The following ANKRD44 variants were observed in gnomAD, a reference collection of about 807,000 sequenced individuals.
ANKRD44 encodes serine/threonine-protein phosphatase 6 regulatory ankyrin repeat subunit B.
In ANKRD44, 35 loss-of-function variants were observed where a neutral mutation model predicts 116.0. That is an observed-to-expected ratio of 0.30 (90% confidence interval 0.23 to 0.40). ANKRD44 has a LOEUF of 0.40. Among genes scored for constraint, ANKRD44 ranks in the 10% least tolerant of loss-of-function variants. ANKRD44 has a pLI of 1.00. For missense variants in ANKRD44, 1,014 were observed against 1,242.6 expected, an observed-to-expected ratio of 0.82 and a Z score of 2.77; for synonymous variants, 435 against 461.8, an observed-to-expected ratio of 0.94 and a Z score of 0.74.
At chr2:197,134,747 G>A (rs964848645) in intron 4 of ANKRD44, 10 of 152,020 alleles carry the variant, frequency 6.6e-5, no homozygotes, top group African/African-American at 2.4e-4. Flanking sequence ...GCATATGGGA[G>A]GTACATATTG....
intron 16 of ANKRD44, among the ~76,000 whole-genome samples, chr2:197,050,454 A>T (rs1440213514): frequency 2.0e-5 from 3 of 150,988 alleles, no homozygotes; most frequent in Non-Finnish European, 4.4e-5. Context: ...GCAGAGTCTC[A>T]TTCTGCCACC....
At chr2:197,052,098 T>C (rs1387494436) in intron 16 of ANKRD44, among the ~76,000 whole-genome samples, 1 of 152,120 alleles carries the variant, frequency 6.6e-6, no homozygotes, top group East Asian at 1.9e-4. Flanking sequence ...CCCCAATATA[T>C]TCTCATAAAG....
chr2:197,151,760 GA>G (rs1339882018), intron 2 of ANKRD44, among the ~76,000 whole-genome samples: 42 of 152,288 alleles, frequency 2.8e-4, no homozygotes, highest in African/African-American at 9.6e-4. Flanking sequence ...GCAGTCCACT[GA>G]TCAGTTTCTA....
At chr2:197,038,271 T>C (rs2076843395) in intron 16 of ANKRD44, among the ~76,000 whole-genome samples, 1 of 152,076 alleles carries the variant, frequency 6.6e-6, no homozygotes, top group South Asian at 2.1e-4. Flanking sequence ...AAGGAGTATA[T>C]GGGAAATTTC....
chr2:197,049,572 C>G (rs1559020923), intron 16 of ANKRD44, among the ~76,000 whole-genome samples: 1 of 152,154 alleles, frequency 6.6e-6, no homozygotes, highest in African/African-American at 2.4e-5. Flanking sequence ...ATTTTCACAG[C>G]AAATATGCCT....
intron 16 of ANKRD44, among the ~76,000 whole-genome samples, chr2:197,058,322 G>T (rs1035171634): frequency 2.6e-5 from 4 of 151,692 alleles, no homozygotes; most frequent in Non-Finnish European, 5.9e-5. Flanking sequence ...AATCAATATT[G>T]CTTGAAGTTA....
intron 1 of ANKRD44, among the ~76,000 whole-genome samples, chr2:197,228,760 G>A (rs1320720871): frequency 6.6e-6 from 1 of 152,246 alleles, no homozygotes; most frequent in Non-Finnish European, 1.5e-5. Flanking sequence ...TTACAGCCTG[G>A]CGCGGAGGCT....
chr2:197,101,927 A>G (rs1322420701), intron 9 of ANKRD44, among the ~76,000 whole-genome samples: 6 of 152,282 alleles, frequency 3.9e-5, no homozygotes, highest in African/African-American at 1.4e-4. Context: ...TACATGTTTC[A>G]AAAGTCAAAA....
intron 3 of ANKRD44, among the ~76,000 whole-genome samples, chr2:197,137,910 GT>G (rs2079259364): frequency 6.6e-6 from 1 of 152,180 alleles, no homozygotes; most frequent in Non-Finnish European, 1.5e-5. Flanking sequence ...AGTAAAATCA[GT>G]TTGGGTGTGC....
At chr2:196,986,183 G>A (rs975713074), downstream of ANKRD44, among the ~76,000 whole-genome samples, 1 of 151,878 alleles carries the variant, frequency 6.6e-6, no homozygotes, top group Non-Finnish European at 1.5e-5. Flanking sequence ...AGTTTATCAC[G>A]TCTTTTGTCA....
chr2:197,099,620 A>T, intron 10 of ANKRD44, 196 bp downstream of exon 10: 1 of 1,285,336 alleles, frequency 7.8e-7, no homozygotes, highest in East Asian at 3.1e-5. Flanking sequence ...GGATGAAGCT[A>T]AAAAATAAAA....
chr2:197,143,186 TTTTA>T (rs1423539022), intron 3 of ANKRD44, among the ~76,000 whole-genome samples: 2 of 149,044 alleles, frequency 1.3e-5, no homozygotes, highest in Non-Finnish European at 3.0e-5. Flanking sequence ...TTTTTTTATT[TTTTA>T]TTTATTTTTT....
At chr2:197,241,504 A>C (rs1414340110) in intron 1 of ANKRD44, among the ~76,000 whole-genome samples, 1 of 152,180 alleles carries the variant, frequency 6.6e-6, no homozygotes, top group African/African-American at 2.4e-5. Flanking sequence ...AAATATATCA[A>C]AATTAAATAG....
In ANKRD44 at chr2:197,000,368, G is replaced by A. The variant is rs1296991430; in HGVS notation, c.2519+51C>T. ...TGTTTGGCTACTCTGCAACTGCAAA[G>A]CAGAGGGTAAGATTCATCAAGAAAA... On this transcript the variant is annotated intron_variant, in intron 23 of 27. Transcript: ENST00000282272. 4.1e-6 allele frequency: 6 copies of A among 1,448,734 alleles called. No individual in the cohort carries two copies. The African/African-American group carries it at 4.2e-5, about 10-fold the overall frequency. The allele number at this position is 1,448,734 out of a possible 1,614,324, so 89.7% of individuals were successfully genotyped here.
intron 21 of ANKRD44, among the ~76,000 whole-genome samples, chr2:196,981,185 C>G (rs2075799067): frequency 6.6e-6 from 1 of 152,194 alleles, no homozygotes; most frequent in Non-Finnish European, 1.5e-5. Flanking sequence ...TTGACTACCA[C>G]TTTTTCAGTA....
chr2:197,068,891 G>A (rs1280042201), intron 16 of ANKRD44, among the ~76,000 whole-genome samples: 5 of 152,142 alleles, frequency 3.3e-5, no homozygotes, highest in Admixed American at 6.5e-5. Flanking sequence ...ACAGTGTGGC[G>A]ATTCCTCGAG....
intron 21 of ANKRD44, among the ~76,000 whole-genome samples, chr2:196,973,784 T>C (rs1263895162): frequency 1.3e-5 from 2 of 152,234 alleles, no homozygotes. Context: ...ATATCATTCC[T>C]TTTAAAACTT....
intron 17 of ANKRD44, among the ~76,000 whole-genome samples, chr2:197,013,942 T>A (rs1295653864): frequency 6.6e-6 from 1 of 152,266 alleles, no homozygotes; most frequent in Non-Finnish European, 1.5e-5. Context: ...CTTTCTCTTT[T>A]GTCACATAAT....
At chr2:197,049,523 T>C (rs1300038264) in intron 16 of ANKRD44, among the ~76,000 whole-genome samples, 1 of 152,232 alleles carries the variant, frequency 6.6e-6, no homozygotes, top group East Asian at 1.9e-4. Context: ...TTAAGATCTA[T>C]ACTGTGGAGG....
Sources: gnomAD v4.1 joint callset for allele counts (sites outside exome capture counted in the v4.1 genomes callset) on GRCh38, gnomAD v4.1.1 for gene constraint, MANE v1.5 for transcripts, NCBI Gene and HGNC (gene_info 2026-07-23, HGNC 2026-07-21) for gene names.